Variants in AIG1 observed in about 807,000 individuals in gnomAD.
AIG1 encodes androgen-induced gene 1 protein.
A neutral mutation model predicts 31.4 loss-of-function variants in AIG1; 23 were observed. The observed-to-expected ratio is 0.73, with a 90% CI of 0.53 to 1.04. AIG1 has a LOEUF of 1.04. Among genes scored for constraint, AIG1 ranks in the 50% least tolerant of loss-of-function variants. The probability of loss-of-function intolerance (pLI) is 0.00; values close to 1 mark genes in which losing one functional copy is unlikely to be tolerated. For missense variants in AIG1, 274 were observed against 295.0 expected, an observed-to-expected ratio of 0.93 and a Z score of 0.52; for synonymous variants, 100 against 110.5, an observed-to-expected ratio of 0.90 and a Z score of 0.60.
rs542522564 is a variant in AIG1, at chr6:143,123,766, A to T, written c.142-13069A>T. Among the ~76,000 whole-genome samples, 135 of 152,292 alleles carry T rather than the reference A, an allele frequency of 8.9e-4. 1 individual carries two copies. Among genetic ancestry groups the T allele is most frequent in the African/African-American group, 3.1e-3 (127 of 41,572 alleles). On this transcript the variant is annotated intron_variant, in intron 1 of 5. Transcript: ENST00000357847. ...TATGAGCAGGAAAGATGTGATAAAG[A>T]TTGGTTAATTTTCAATATACAGTTT...
chr6:143,342,218 C>T, downstream of AIG1: 3 of 669,450 alleles, frequency 4.5e-6, no homozygotes, highest in South Asian at 3.0e-5. Flanking sequence ...CCATTGCGCC[C>T]GTCCTAAAAT....
chr6:143,108,690 A>G (rs17072228), intron 1 of AIG1, among the ~76,000 whole-genome samples: 18,480 of 152,198 alleles, frequency 0.12, 3,458 homozygotes, highest in African/African-American at 0.4. Context: ...TAAGATGTTT[A>G]TAGTTAGAAA....
chr6:143,221,946 G>A (rs1792551213), intron 3 of AIG1, among the ~76,000 whole-genome samples: 1 of 152,174 alleles, frequency 6.6e-6, no homozygotes, highest in South Asian at 2.1e-4. Context: ...AGGATGATAA[G>A]GTAGAAATAG....
chr6:143,239,950 G>A lies in AIG1; in HGVS notation c.400-44160G>A, dbSNP rs9390071. On this transcript the variant is annotated intron_variant, in intron 3 of 5. Transcript: ENST00000357847. ...GCCAAATAGCTCCCTGTAATTAGAT[G>A]TATTTAACACTAGAGGTTCCAGGTA... Among the ~76,000 whole-genome samples, 1,449 of 152,328 alleles carry A rather than the reference G, an allele frequency of 9.5e-3. 45 individuals carry two copies. Among genetic ancestry groups the A allele is most frequent in the East Asian group, 0.066 (340 of 5,186 alleles).
intron 3 of AIG1, among the ~76,000 whole-genome samples, chr6:143,203,045 T>G (rs933030988): frequency 2.0e-5 from 3 of 152,134 alleles, no homozygotes; most frequent in African/African-American, 7.2e-5. Flanking sequence ...GAGAAGGTAA[T>G]GAACCAGATA....
chr6:143,307,681 C>T (rs1214132244), intron 4 of AIG1, among the ~76,000 whole-genome samples: 3 of 152,210 alleles, frequency 2.0e-5, no homozygotes, highest in African/African-American at 7.2e-5. Context: ...GCAGTCTGCC[C>T]ATTCTCAGAT....
Position 143,334,075 on chromosome 6 carries a change from C to T in AIG1, c.679+630C>T. The T allele has an allele frequency of 6.4e-7, 1 of 1,550,430 alleles. No individual in the cohort carries two copies. Reference sequence around the variant, plus strand: ...ATTTCTCTTTTGTTTCCATTTATGGCAGAGCCTCCATCTTGGCAAGGCACG... The same window carrying T: ...ATTTCTCTTTTGTTTCCATTTATGGTAGAGCCTCCATCTTGGCAAGGCACG... On this transcript the variant is annotated intron_variant, in intron 5 of 5. Transcript: ENST00000357847. This position sits in a 1 kb window ranked among gnomAD's most constrained non-coding sequence, Gnocchi z 5.1.
At chr6:143,226,354 C>T (rs1043356165) in intron 3 of AIG1, among the ~76,000 whole-genome samples, 6 of 151,716 alleles carry the variant, frequency 4.0e-5, no homozygotes, top group South Asian at 2.1e-4. Context: ...AATTGTCCTG[C>T]GTCAGCCTCC....
At chr6:143,260,072 G>A (rs932126788) in intron 3 of AIG1, among the ~76,000 whole-genome samples, 18 of 132,198 alleles carry the variant, frequency 1.4e-4, no homozygotes, top group African/African-American at 5.2e-4. Context: ...CACCCAGGCT[G>A]AAGTGCAGTG....
At chr6:143,122,646 A>G (rs914048450) in intron 1 of AIG1, among the ~76,000 whole-genome samples, 4 of 152,186 alleles carry the variant, frequency 2.6e-5, no homozygotes, top group Non-Finnish European at 4.4e-5. Flanking sequence ...CCTACAATTT[A>G]CAGTAACATA....
At chr6:143,070,176 AT>A (rs937216631) in intron 1 of AIG1, among the ~76,000 whole-genome samples, 1 of 152,194 alleles carries the variant, frequency 6.6e-6, no homozygotes, top group African/African-American at 2.4e-5. Flanking sequence ...TTTTGTTTAA[AT>A]TTAGAATAAT....
At chr6:143,178,416 T>G (rs1291535684) in intron 3 of AIG1, among the ~76,000 whole-genome samples, 1 of 152,150 alleles carries the variant, frequency 6.6e-6, no homozygotes, top group East Asian at 1.9e-4. Flanking sequence ...TATGGAACAA[T>G]GCAATCACAT....
chr6:143,196,350 A>AACACACAC (rs71784011), intron 3 of AIG1, among the ~76,000 whole-genome samples: 3,833 of 141,642 alleles, frequency 0.027, 63 homozygotes, highest in Non-Finnish European at 0.036. Context: ...CAACAAAAGC[A>AACACACAC]ACACACACAC....
chr6:143,286,872 G>A (rs1797713467), intron 4 of AIG1, among the ~76,000 whole-genome samples: 1 of 151,706 alleles, frequency 6.6e-6, no homozygotes, highest in Admixed American at 6.6e-5. Flanking sequence ...CCAGGTTTGG[G>A]TAGTGAGAGT....
intron 1 of AIG1, among the ~76,000 whole-genome samples, chr6:143,129,300 AAAAAAAG>A (rs558719854): frequency 4.9e-4 from 74 of 151,890 alleles, no homozygotes; most frequent in African/African-American, 1.7e-3. Flanking sequence ...CAAAAAAAAT[AAAAAAAG>A]AAAAAAGAAA....
At chr6:143,177,001 T>C (rs898046299) in intron 3 of AIG1, among the ~76,000 whole-genome samples, 4 of 152,226 alleles carry the variant, frequency 2.6e-5, no homozygotes, top group African/African-American at 9.7e-5. Context: ...CTGCCATTTT[T>C]TCCCCCGCAT....
intron 3 of AIG1, among the ~76,000 whole-genome samples, chr6:143,260,361 A>G (rs957086533): frequency 2.0e-5 from 3 of 152,060 alleles, no homozygotes; most frequent in Admixed American, 6.5e-5. Flanking sequence ...ATCCCATCCA[A>G]CTTCTTCAGT....
At chr6:143,137,888 C>T (rs1229840454) in intron 2 of AIG1, among the ~76,000 whole-genome samples, 1 of 152,158 alleles carries the variant, frequency 6.6e-6, no homozygotes, top group Non-Finnish European at 1.5e-5. Context: ...CGGGGGAAAA[C>T]AGAAGTCTCA....
intron 3 of AIG1, among the ~76,000 whole-genome samples, chr6:143,251,912 C>T (rs1001648628): frequency 1.3e-5 from 2 of 152,174 alleles, no homozygotes; most frequent in African/African-American, 2.4e-5. Context: ...CATTGATATG[C>T]TCCATTTCTT....
Sources: gnomAD v4.1 joint callset for allele counts (sites outside exome capture counted in the v4.1 genomes callset) on GRCh38, gnomAD v4.1.1 for gene constraint, Gnocchi (gnomAD v3.1) non-coding constraint, MANE v1.5 for transcripts, NCBI Gene and HGNC (gene_info 2026-07-23, HGNC 2026-07-21) for gene names.